PMPCB: variants seen among roughly 807,000 people sequenced by gnomAD.
The protein encoded by PMPCB is peptidase, mitochondrial processing subunit beta, also known as mitochondrial-processing peptidase subunit beta.
PMPCB carries 46 observed loss-of-function variants against 61.5 expected under a neutral mutation model. The observed-to-expected ratio is 0.75, with a 90% CI of 0.59 to 0.96. The LOEUF (loss-of-function observed/expected upper bound fraction) is 0.96, where lower values mean the gene tolerates loss of function less well. PMPCB is among the 40% of genes least tolerant of loss of function. PMPCB has a pLI of 0.00. For synonymous variants in PMPCB, 191 were observed against 201.6 expected (o/e 0.95, Z 0.44); for missense variants, 590 against 602.4 (o/e 0.98, Z 0.22).
chr7:103,312,657 A>G lies in PMPCB; in HGVS notation c.*386A>G. The G allele has an allele frequency of 2.5e-6, 4 of 1,610,378 alleles. No individual in the cohort carries two copies. The highest frequency in any genetic ancestry group is 2.2e-5 in the East Asian group (1 of 44,840). On this transcript the variant is annotated 3_prime_UTR_variant, in exon 13 of 13. Transcript: ENST00000249269. ...CTCGACAAGTTCCTAGGAAGGGAGA[A>G]AGGTGTGATTTAAGAAGTTGCGATT...
the PMPCB span, chr7:103,335,985 T>G: frequency 6.6e-6 from 1 of 152,166 alleles, no homozygotes; most frequent in African/African-American, 2.4e-5. Context: ...CTGACCAACA[T>G]GGTGAAATCC....
At chr7:103,322,276 CAT>C (rs1476776069) in intron 12 of PMPCB, among the ~76,000 whole-genome samples, 2 of 152,070 alleles carry the variant, frequency 1.3e-5, no homozygotes, top group South Asian at 2.1e-4. Flanking sequence ...GTAAAATTGA[CAT>C]ATTAGAAATA....
chr7:103,327,350 G>A (rs1818761067), intron 12 of PMPCB: 2 of 1,289,112 alleles, frequency 1.6e-6, no homozygotes, highest in East Asian at 9.3e-5. Flanking sequence ...ACTGTAGGAT[G>A]AGCTTCTGAT....
At chr7:103,323,539 A>G in intron 12 of PMPCB, 1 of 1,376,630 alleles carries the variant, frequency 7.3e-7, no homozygotes, top group Non-Finnish European at 9.6e-7. Flanking sequence ...TTTTTACATC[A>G]TCACAAATAC....
downstream of PMPCB, among the ~76,000 whole-genome samples, chr7:103,332,124 C>T (rs1487218211): frequency 6.6e-6 from 1 of 151,918 alleles, no homozygotes; most frequent in Non-Finnish European, 1.5e-5. Context: ...CCTGCCTCAG[C>T]CTCCCGAGTA....
intron 12 of PMPCB, among the ~76,000 whole-genome samples, chr7:103,320,660 C>T (rs1818337243): frequency 2.0e-5 from 3 of 150,622 alleles, no homozygotes; most frequent in South Asian, 2.1e-4. Context: ...AGGAGCATGG[C>T]GTGAACCCAG....
downstream of PMPCB, among the ~76,000 whole-genome samples, chr7:103,319,197 G>T (rs575132005): frequency 6.6e-6 from 1 of 152,170 alleles, no homozygotes; most frequent in South Asian, 2.1e-4. Context: ...CCAGCACTTT[G>T]AGAAGCCTAC....
chr7:103,347,460 C>T, the PMPCB span: 1 of 385,614 alleles, frequency 2.6e-6, no homozygotes, highest in South Asian at 3.6e-5. Context: ...GTAGATGTGG[C>T]CACTACTTAT....
chr7:103,299,425 T>C lies in PMPCB; in HGVS notation c.241-18T>C. 1 of 1,467,642 alleles carries C rather than the reference T, an allele frequency of 6.8e-7. No individual in the cohort carries two copies. Among genetic ancestry groups the C allele is most frequent in the East Asian group, 2.3e-5 (1 of 44,050 alleles). 90.9% of individuals were successfully genotyped at this position (1,467,642 alleles called of 1,614,324 possible). Reference sequence around the variant, plus strand: ...TAAATAAAATGAATTTATTTAATTGTTCTTTGATTGCATTAAGGTTGGACT... The same window carrying C: ...TAAATAAAATGAATTTATTTAATTGCTCTTTGATTGCATTAAGGTTGGACT... On this transcript the variant is annotated intron_variant, in intron 2 of 12. Transcript: ENST00000249269.
chr7:103,336,247 G>T, the PMPCB span: 4 of 152,208 alleles, frequency 2.6e-5, no homozygotes, highest in African/African-American at 9.6e-5. Context: ...TTCTGAGAAA[G>T]AATTCTTTCA....
At chr7:103,344,533 G>A in the PMPCB span, 20 of 1,613,462 alleles carry the variant, frequency 1.2e-5, no homozygotes, top group Non-Finnish European at 1.4e-5. Context: ...GAGGTGAGAA[G>A]GAACCGAGGT....
the PMPCB span, chr7:103,341,612 T>C: frequency 1.7e-6 from 1 of 575,592 alleles, no homozygotes; most frequent in Non-Finnish European, 2.9e-6. Flanking sequence ...TGGCTAGTGC[T>C]AATGCTCTCA....
At chr7:103,341,991 C>T in the PMPCB span, 120 of 1,441,664 alleles carry the variant, frequency 8.3e-5, 2 homozygotes, top group Middle Eastern at 1.1e-3. Flanking sequence ...TTCAGTGTAT[C>T]GCATGGAATA....
downstream of PMPCB, among the ~76,000 whole-genome samples, chr7:103,317,916 G>T (rs912334353): frequency 7.2e-5 from 11 of 151,960 alleles, no homozygotes; most frequent in Admixed American, 6.6e-4. Flanking sequence ...CTCCCAAAGT[G>T]CTCGGATTAT....
intron 12 of PMPCB, among the ~76,000 whole-genome samples, chr7:103,320,652 G>T (rs988244030): frequency 6.6e-6 from 1 of 151,082 alleles, no homozygotes; most frequent in Non-Finnish European, 1.5e-5. Flanking sequence ...GCTGAGGCAG[G>T]AGCATGGCGT....
chr7:103,332,976 C>G (rs1223275963), downstream of PMPCB, among the ~76,000 whole-genome samples: 2 of 152,058 alleles, frequency 1.3e-5, no homozygotes, highest in African/African-American at 2.4e-5. Context: ...TGCTTGGGAC[C>G]AAAAGTGTTC....
intron 12 of PMPCB, chr7:103,321,884 T>A: frequency 6.4e-7 from 1 of 1,557,694 alleles, no homozygotes; most frequent in Non-Finnish European, 8.7e-7. Flanking sequence ...TTTTGCTTAA[T>A]AAGCAACTTG....
At chr7:103,336,459 T>G in the PMPCB span, 1 of 152,268 alleles carries the variant, frequency 6.6e-6, no homozygotes, top group Non-Finnish European at 1.5e-5. Flanking sequence ...TTCTCCTGCC[T>G]CAGCCTCCCA....
chr7:103,334,477 G>C (rs1454330281), downstream of PMPCB, among the ~76,000 whole-genome samples: 1 of 151,836 alleles, frequency 6.6e-6, no homozygotes, highest in Non-Finnish European at 1.5e-5. Flanking sequence ...GCAGAAGAAT[G>C]AGGCAGGAGA....
Sources: allele counts gnomAD v4.1 joint callset (sites outside exome capture counted in the v4.1 genomes callset), GRCh38; gene constraint gnomAD v4.1.1; transcripts MANE v1.5; gene names NCBI Gene and HGNC (gene_info 2026-07-23, HGNC 2026-07-21).